PHLDB2: variants seen among roughly 807,000 people sequenced by gnomAD.
PHLDB2 encodes pleckstrin homology like domain family B member 2.
A neutral mutation model predicts 123.6 loss-of-function variants in PHLDB2; 71 were observed. The ratio of observed to expected loss-of-function variants is 0.57; its 90% CI spans 0.47 to 0.70. The LOEUF (loss-of-function observed/expected upper bound fraction) is 0.70, where lower values mean the gene tolerates loss of function less well. Among genes scored for constraint, PHLDB2 ranks in the 30% least tolerant of loss-of-function variants. PHLDB2 has a pLI of 0.00. For synonymous variants in PHLDB2, 547 were observed against 541.6 expected (o/e 1.01, Z -0.14); for missense variants, 1,446 against 1,519.5 (o/e 0.95, Z 0.80).
rs866522125 is a variant in PHLDB2, at chr3:111,893,796, A to G, written c.1335+8384A>G. ...ATCCAGGTGAAATTAGGTATAATAT[A>G]TTTGACAGCACAGGAGTAGATTGAC... On this transcript the variant is annotated intron_variant, in intron 2 of 17. Coordinates refer to ENST00000431670, the MANE Select transcript of PHLDB2 (RefSeq NM_001134438.2). Among the ~76,000 whole-genome samples, 36 of 149,536 alleles carry G rather than the reference A, an allele frequency of 2.4e-4. 1 individual carries two copies. In the Middle Eastern group the frequency reaches 0.01, roughly 44 times the overall value.
intron 13 of PHLDB2, among the ~76,000 whole-genome samples, chr3:111,964,221 T>G (rs189988083): frequency 6.6e-6 from 1 of 152,340 alleles, no homozygotes; most frequent in Non-Finnish European, 1.5e-5. Context: ...CACACGTAAC[T>G]ACTTGTCAGG....
chr3:111,793,579 A>G (rs1335780635), intron 1 of PHLDB2, among the ~76,000 whole-genome samples: 1 of 151,936 alleles, frequency 6.6e-6, no homozygotes, highest in African/African-American at 2.4e-5. Flanking sequence ...CCAAGCAGAA[A>G]GAGTCCCTCC....
intron 1 of PHLDB2, among the ~76,000 whole-genome samples, chr3:111,834,852 C>A (rs1038700358): frequency 6.6e-6 from 1 of 151,924 alleles, no homozygotes; most frequent in East Asian, 1.9e-4. Flanking sequence ...ATTTTTAAGT[C>A]TTTTTTAGAC....
chr3:111,751,760 G>C (rs2059780358), intron 1 of PHLDB2, among the ~76,000 whole-genome samples: 1 of 151,960 alleles, frequency 6.6e-6, no homozygotes, highest in South Asian at 2.1e-4. Flanking sequence ...AATGGGTGCA[G>C]CACACCAACA....
intron 12 of PHLDB2, chr3:111,957,122 A>C (rs1454630866): frequency 6.5e-6 from 1 of 152,692 alleles, no homozygotes; most frequent in East Asian, 1.9e-4. Context: ...AGAGCTGAGA[A>C]ACTCAGCTTC....
Position 111,912,025 on chromosome 3 carries a change from CT to C in PHLDB2, c.1336-1293del, listed in dbSNP as rs2067911581. 2.6e-5 allele frequency among the ~76,000 whole-genome samples: 4 copies of C among 152,304 alleles called. No homozygotes were observed. In the South Asian group the frequency reaches 8.3e-4, roughly 32 times the overall value. ...CAGTCCAGTGATGCTTAATATTTTT[CT>C]GCTTTATTGCTGATAAGCAGTTTGG... On this transcript the variant is annotated intron_variant, in intron 2 of 17. Coordinates refer to ENST00000431670, the MANE Select transcript of PHLDB2 (RefSeq NM_001134438.2).
chr3:111,792,999 C>A (rs960061146), intron 1 of PHLDB2, among the ~76,000 whole-genome samples: 1 of 152,212 alleles, frequency 6.6e-6, no homozygotes, highest in African/African-American at 2.4e-5. Context: ...AAAGCTAGCA[C>A]AGCACTGGGT....
rs1355804956 is a variant in PHLDB2 at position 111,845,879 on chromosome 3, A to G, written c.11A>G (p.Glu4Gly). The change falls in exon 2 of 18, where the codon GAG (glutamate) becomes GGG (glycine). Residue 4 changes from glutamate to glycine, a missense_variant. Physicochemically the swap from Glu to Gly is moderately conservative, Grantham distance 98. Coordinates refer to the PHLDB2 transcript ENST00000393923. The stretch of plus-strand genomic sequence containing the variant: ...CAGCAGAAGATCCTGATGGAGGAGG[A>G]GGATACCAAGAGAGAGGTGCCCAAG... The G allele has an allele frequency of 2.5e-6, 4 of 1,614,174 alleles. No homozygotes were observed. In the Admixed American group the frequency reaches 6.7e-5, roughly 27 times the overall value.
At chr3:111,777,112 G>A (rs757521181) in intron 1 of PHLDB2, among the ~76,000 whole-genome samples, 7 of 151,658 alleles carry the variant, frequency 4.6e-5, no homozygotes, top group Non-Finnish European at 8.8e-5. Context: ...GCTGCAGGAA[G>A]TTCTAAGAAA....
At chr3:111,902,609 G>A (rs926052166) in intron 2 of PHLDB2, among the ~76,000 whole-genome samples, 1 of 152,086 alleles carries the variant, frequency 6.6e-6, no homozygotes, top group African/African-American at 2.4e-5. Context: ...GGGAAATGTT[G>A]ACACAGGCAA....
intron 3 of PHLDB2, 162 bp downstream of exon 3, chr3:111,913,864 G>A: frequency 1.0e-6 from 1 of 953,056 alleles, no homozygotes; most frequent in Non-Finnish European, 1.5e-6. Context: ...AAATTAGGGT[G>A]TTTACTGTAA....
intron 1 of PHLDB2, among the ~76,000 whole-genome samples, chr3:111,775,429 G>A (rs528333735): frequency 6.6e-6 from 1 of 152,294 alleles, no homozygotes; most frequent in South Asian, 2.1e-4. Flanking sequence ...AGAAGTAAGA[G>A]TGGGAGGATG....
intron 2 of PHLDB2, among the ~76,000 whole-genome samples, chr3:111,898,461 G>C (rs2067002519): frequency 6.6e-6 from 1 of 152,072 alleles, no homozygotes; most frequent in Non-Finnish European, 1.5e-5. Flanking sequence ...GGGATTACAG[G>C]TGTGAGCCAC....
At chr3:111,845,701 A>G (rs1380408690) in intron 1 of PHLDB2, 29 of 1,110,450 alleles carry the variant, frequency 2.6e-5, no homozygotes, top group Non-Finnish European at 3.5e-5. Context: ...CTTCAGCAGT[A>G]GTTAGTTTCC....
At chr3:111,887,763 C>T (rs2066259852) in intron 2 of PHLDB2, among the ~76,000 whole-genome samples, 1 of 152,038 alleles carries the variant, frequency 6.6e-6, no homozygotes, top group Admixed American at 6.5e-5. Context: ...AATTTGGTTT[C>T]ATGAAGTCAT....
chr3:111,954,395 T>C (rs2070907520), intron 12 of PHLDB2, among the ~76,000 whole-genome samples: 1 of 152,192 alleles, frequency 6.6e-6, no homozygotes, highest in Non-Finnish European at 1.5e-5. Context: ...TGAGCCACTA[T>C]GTCGAATGAA....
intron 2 of PHLDB2, among the ~76,000 whole-genome samples, chr3:111,896,643 G>T (rs573932396): frequency 1.3e-5 from 2 of 151,888 alleles, no homozygotes; most frequent in Non-Finnish European, 2.9e-5. Context: ...GAGCCACCGC[G>T]TCCAGGCTGC....
chr3:111,864,768 G>T lies in PHLDB2; in HGVS notation c.-15+5192G>T, dbSNP rs970507104. 2.0e-5 allele frequency among the ~76,000 whole-genome samples: 3 copies of T among 152,180 alleles called. No homozygotes were observed. In the South Asian group the frequency reaches 6.2e-4, roughly 32 times the overall value. On this transcript the variant is annotated intron_variant, in intron 1 of 17. Coordinates refer to ENST00000431670, the MANE Select transcript of PHLDB2 (RefSeq NM_001134438.2). ...GTGTGTTAGGTTGATTTTATTAGATGAAGTGCTTTTCCTTACTTTACAAAG... is the reference window on the plus strand; with the variant it reads ...GTGTGTTAGGTTGATTTTATTAGATTAAGTGCTTTTCCTTACTTTACAAAG...
At chr3:111,758,309 T>C (rs1488788665) in intron 1 of PHLDB2, among the ~76,000 whole-genome samples, 1 of 152,212 alleles carries the variant, frequency 6.6e-6, no homozygotes, top group Non-Finnish European at 1.5e-5. Flanking sequence ...TGGGCAATGG[T>C]GGGTGCCCCT....
Sources: gnomAD v4.1 joint callset for allele counts (sites outside exome capture counted in the v4.1 genomes callset) on GRCh38, gnomAD v4.1.1 for gene constraint, MANE v1.5 for transcripts, NCBI Gene and HGNC (gene_info 2026-07-23, HGNC 2026-07-21) for gene names.